The following DUX4 variants were observed in gnomAD, a reference collection of about 807,000 sequenced individuals.
DUX4 encodes double homeobox 4.
chr4:190,181,316 GTCCCATCCCCTGGGTGATCTCTGCAA>G (rs1742564438), intron 1 of DUX4, among the ~76,000 whole-genome samples: 2 of 75,416 alleles, frequency 2.7e-5, no homozygotes, highest in African/African-American at 5.0e-5. Flanking sequence ...CTAAAGAAGA[GTCCCATCCCCTGGGTGATCTCTGCAA>G]AGATATGCCA....
In DUX4 at chr4:190,184,092, T is replaced by C. The variant is rs1430800179; in HGVS notation, n.93-1249T>C. On this transcript the variant is annotated intron_variant and non_coding_transcript_variant, in intron 1 of 2. Coordinates refer to the DUX4 transcript ENST00000563716. ...TCATCTTAAAGAATGAAGAAGGGAT[T>C]TGTCATGAGAGATGTGGCAGGAATT... Among the ~76,000 whole-genome samples the C allele has an allele frequency of 2.3e-5, 3 of 130,954 alleles. No individual in the cohort carries two copies. The East Asian group carries it at 6.9e-4, about 30-fold the overall frequency. The allele number at this position is 130,954 out of a possible 152,430, so 85.9% of individuals were successfully genotyped here. A position where few individuals can be genotyped will look rare whatever the true frequency, so the allele number is the denominator to read the frequency against.
At chr4:190,175,353 A>C (rs1742228134) in intron 1 of DUX4, 69 bp downstream of exon 1, 1 of 95,710 alleles carries the variant, frequency 1.0e-5, no homozygotes, top group Admixed American at 1.4e-4. Flanking sequence ...GCCCGGGCAG[A>C]GCTCTCCTGC....
chr4:190,177,919 A>T (rs1742395270), downstream of DUX4, among the ~76,000 whole-genome samples: 266 of 144,088 alleles, frequency 1.8e-3, no homozygotes, highest in Admixed American at 2.9e-3. Flanking sequence ...CTGGGTGATC[A>T]GTGTGGAGAT....
chr4:190,178,354 T>TAGGCAGAGTCTAGACAAGAGTTACA (rs1742419693), downstream of DUX4, among the ~76,000 whole-genome samples: 1 of 149,902 alleles, frequency 6.7e-6, no homozygotes, highest in Non-Finnish European at 1.5e-5. Context: ...TGTCACAATG[T>TAGGCAGAGTCTAGACAAGAGTTACA]CCCCTGTAGG....
intron 1 of DUX4, among the ~76,000 whole-genome samples, chr4:190,181,307 TAAAGAAGA>T (rs1742563725): frequency 5.3e-5 from 1 of 18,942 alleles, no homozygotes; most frequent in African/African-American, 2.3e-4. Flanking sequence ...AGGCAGAGCC[TAAAGAAGA>T]GTCCCATCCC....
downstream of DUX4, among the ~76,000 whole-genome samples, chr4:190,176,766 T>C (rs1283667332): frequency 2.9e-5 from 3 of 105,244 alleles, 1 homozygote. Context: ...AGTGCAGAGA[T>C]ATGTACCAGT....
chr4:190,178,871 G>GGTGATCA (rs1742458562), downstream of DUX4, among the ~76,000 whole-genome samples: 1 of 115,738 alleles, frequency 8.6e-6, no homozygotes, highest in Non-Finnish European at 1.9e-5. Flanking sequence ...ACATCACCTG[G>GGTGATCA]GTGATCAGTG....
chr4:190,180,136 G>C (rs1579836571), downstream of DUX4, among the ~76,000 whole-genome samples: 123 of 42,134 alleles, frequency 2.9e-3, no homozygotes, highest in African/African-American at 4.3e-3. Context: ...CCAGTAGGCA[G>C]AGCCTAGAGA....
downstream of DUX4, among the ~76,000 whole-genome samples, chr4:190,179,576 C>G (rs1579835690): frequency 2.0e-5 from 3 of 152,334 alleles, no homozygotes; most frequent in East Asian, 1.9e-4. Context: ...TGATATGTCA[C>G]AATGCTGTGT....
downstream of DUX4, among the ~76,000 whole-genome samples, chr4:190,177,179 T>A (rs1742347962): frequency 4.8e-3 from 422 of 87,566 alleles, no homozygotes; most frequent in Middle Eastern, 0.013. Flanking sequence ...TGTGCAGAGC[T>A]ATGTCAAAAC....
chr4:190,176,530 G>T (rs1386591969), downstream of DUX4, among the ~76,000 whole-genome samples: 2 of 102,606 alleles, frequency 1.9e-5, 1 homozygote, highest in Non-Finnish European at 4.6e-5. Context: ...GCCTAGACAA[G>T]TGTTACATCA....
intron 1 of DUX4, among the ~76,000 whole-genome samples, chr4:190,181,546 A>G (rs1742580652): frequency 4.6e-5 from 7 of 150,948 alleles, no homozygotes; most frequent in Non-Finnish European, 1.0e-4. Context: ...TGATCAATGC[A>G]GCGATATGTC....
At chr4:190,176,070 G>T (rs1414883793), downstream of DUX4, among the ~76,000 whole-genome samples, 3 of 111,768 alleles carry the variant, frequency 2.7e-5, 1 homozygote, top group African/African-American at 7.9e-5. Context: ...ATCACCTAGT[G>T]ATCAGTGCAG....
chr4:190,177,140 T>TAC (rs1742344369), downstream of DUX4, among the ~76,000 whole-genome samples: 1 of 118,772 alleles, frequency 8.4e-6, no homozygotes. Flanking sequence ...AGGCAGAGAG[T>TAC]GGACAAGAGT....
downstream of DUX4, among the ~76,000 whole-genome samples, chr4:190,178,770 A>AC (rs1742449678): frequency 2.1e-5 from 2 of 96,562 alleles, no homozygotes; most frequent in African/African-American, 3.8e-5. Context: ...AGCCCCCTGT[A>AC]GGCCAAAGCC....
At chr4:190,176,543 T>G, downstream of DUX4, among the ~76,000 whole-genome samples, 2 of 102,112 alleles carry the variant, frequency 2.0e-5, 1 homozygote, top group East Asian at 7.5e-4. Context: ...TTACATCACC[T>G]AGTTTATCAG....
downstream of DUX4, among the ~76,000 whole-genome samples, chr4:190,176,109 G>C (rs1383183566): frequency 0.016 from 1,773 of 113,146 alleles, 305 homozygotes; most frequent in African/African-American, 0.041. Flanking sequence ...CCTGTAGGCA[G>C]AGTGTAGGCA....
downstream of DUX4, among the ~76,000 whole-genome samples, chr4:190,176,073 C>T (rs1472351795): frequency 1.1e-3 from 126 of 111,940 alleles, 42 homozygotes; most frequent in East Asian, 0.038. Flanking sequence ...ACCTAGTGAT[C>T]AGTGCAGGGA....
At chr4:190,176,184 G>C (rs1413632023), downstream of DUX4, among the ~76,000 whole-genome samples, 3 of 111,856 alleles carry the variant, frequency 2.7e-5, 1 homozygote, top group African/African-American at 7.9e-5. Flanking sequence ...GCCAAACCTT[G>C]ACAAGGGTTA....
Sources: allele counts gnomAD v4.1 joint callset (sites outside exome capture counted in the v4.1 genomes callset), GRCh38; gene constraint gnomAD v4.1.1; transcripts MANE v1.5; gene names NCBI Gene and HGNC (gene_info 2026-07-23, HGNC 2026-07-21).